Variants in HEG1 observed in about 807,000 individuals in gnomAD.
HEG1 encodes the protein protein HEG homolog 1.
A neutral mutation model predicts 125.6 loss-of-function variants in HEG1; 56 were observed. The ratio of observed to expected loss-of-function variants is 0.45; its 90% CI spans 0.36 to 0.56. The LOEUF (loss-of-function observed/expected upper bound fraction) is 0.56, where lower values mean the gene tolerates loss of function less well. Ranked by LOEUF, HEG1 falls within the 20% of genes least tolerant of loss-of-function variation. HEG1 has a pLI of 0.00. For synonymous variants in HEG1, 644 were observed against 668.5 expected (o/e 0.96, Z 0.57); for missense variants, 1,523 against 1,670.0 (o/e 0.91, Z 1.53).
intron 14 of HEG1, among the ~76,000 whole-genome samples, chr3:124,986,833 CTAACA>C (rs1936747083): frequency 6.6e-6 from 1 of 152,154 alleles, no homozygotes; most frequent in African/African-American, 2.4e-5. Flanking sequence ...TGACTTTTTC[CTAACA>C]TAAGAACTTA....
chr3:125,019,657 A>G (rs2107703616), intron 4 of HEG1, 60 bp from the exon 5 acceptor site: 2 of 1,380,564 alleles, frequency 1.4e-6, no homozygotes, highest in Non-Finnish European at 2.0e-6. Flanking sequence ...TCCCTTGGCA[A>G]CTAAGAAGTG....
Position 125,013,771 on chromosome 3 carries a change from T to A in HEG1, c.1808A>T (p.His603Leu), listed in dbSNP as rs764106449. ...GATGTTACTTCTCTCAGTCTGAGCA[T>A]GAAAAAAGGAGGAATACTCTGAATG... ...SSHSEYSSFF[H>L]AQTERSNISS... is the part of the protein sequence containing the mutation. Residue 603 changes from histidine (H) to leucine (L), a missense_variant, in exon 6 of 17, where the codon CAT (histidine) becomes CTT (leucine). Transcript: ENST00000311127. 5.6e-6 allele frequency: 9 copies of A among 1,613,630 alleles called. No homozygotes were observed. The South Asian group carries it at 6.6e-5, about 12-fold the overall frequency.
At chr3:125,029,549 C>A in intron 1 of HEG1, 61 bp from the exon 2 acceptor site, 1 of 1,502,276 alleles carries the variant, frequency 6.7e-7, no homozygotes, top group South Asian at 1.3e-5. Context: ...AAAAGTAAAC[C>A]TTCAGAAAAG....
intron 16 of HEG1, among the ~76,000 whole-genome samples, chr3:124,972,992 T>TTTG (rs1400331787): frequency 6.7e-6 from 1 of 149,886 alleles, no homozygotes; most frequent in Non-Finnish European, 1.5e-5. Flanking sequence ...AGTTGGTTTT[T>TTTG]TTGTTGTTGT....
chr3:125,004,276 G>A lies in HEG1; in HGVS notation c.3297+989C>T, dbSNP rs1008995000. Among the ~76,000 whole-genome samples, 5 of 152,110 alleles carry A rather than the reference G, an allele frequency of 3.3e-5. No homozygotes were observed. The East Asian group carries it at 9.6e-4, about 29-fold the overall frequency. On this transcript the variant is annotated intron_variant, in intron 9 of 16. Coordinates refer to ENST00000311127, the MANE Select transcript of HEG1 (RefSeq NM_020733.2). ...TAATATACTAACTCTTATCCACAAAGAACAAGTAACATTGAGATTGGAAAT... is the reference window on the plus strand; with the variant it reads ...TAATATACTAACTCTTATCCACAAAAAACAAGTAACATTGAGATTGGAAAT...
chr3:124,977,833 T>C (rs1936573045), intron 15 of HEG1, 26 bp downstream of exon 15: 1 of 1,487,984 alleles, frequency 6.7e-7, no homozygotes, highest in Non-Finnish European at 9.2e-7. Flanking sequence ...AGGAACGGGA[T>C]TGGAACCTGA....
chr3:125,031,741 C>T (rs553520939), intron 1 of HEG1, among the ~76,000 whole-genome samples: 75 of 151,608 alleles, frequency 4.9e-4, no homozygotes, highest in African/African-American at 1.8e-3. Flanking sequence ...GGCACACATA[C>T]ACACACATAC....
intron 1 of HEG1, among the ~76,000 whole-genome samples, chr3:125,051,221 TA>T (rs1560037849): frequency 6.6e-6 from 1 of 152,234 alleles, no homozygotes; most frequent in African/African-American, 2.4e-5. Context: ...ACAAAATTTT[TA>T]AAAAATTTTT....
intron 5 of HEG1, chr3:125,014,572 G>A (rs777015579): frequency 4.9e-6 from 3 of 607,500 alleles, no homozygotes; most frequent in Admixed American, 4.0e-5. Context: ...CCTGAGGTGG[G>A]AGAATCTAGA....
At chr3:125,044,144 G>T (rs1013041524) in intron 1 of HEG1, among the ~76,000 whole-genome samples, 8 of 152,236 alleles carry the variant, frequency 5.3e-5, no homozygotes, top group African/African-American at 1.9e-4. Context: ...TCTGAGGCCT[G>T]TGCTGGCTGA....
intron 5 of HEG1, among the ~76,000 whole-genome samples, chr3:125,018,022 CCATCT>C (rs1285686078): frequency 1.3e-5 from 2 of 151,102 alleles, no homozygotes; most frequent in Non-Finnish European, 2.9e-5. Context: ...GAGAGAGACT[CCATCT>C]CAAAAAAAAA....
At chr3:125,035,526 G>A (rs368100831) in intron 1 of HEG1, among the ~76,000 whole-genome samples, 2 of 152,280 alleles carry the variant, frequency 1.3e-5, no homozygotes, top group East Asian at 3.9e-4. Flanking sequence ...CGTGCTGAGA[G>A]AGAAAACTAT....
chr3:124,986,070 G>A (rs927210802), intron 14 of HEG1, among the ~76,000 whole-genome samples: 13 of 152,236 alleles, frequency 8.5e-5, no homozygotes, highest in African/African-American at 3.1e-4. Context: ...GAGCCACTGT[G>A]CCTTGCCCTT....
chr3:125,002,188 T>C, intron 10 of HEG1, 69 bp downstream of exon 10: 4 of 1,533,808 alleles, frequency 2.6e-6, no homozygotes, highest in Middle Eastern at 1.7e-4. Context: ...TTTGTTGCTA[T>C]CACCCATGTT....
In HEG1 at chr3:125,021,073, C is replaced by T; in HGVS notation, c.971G>A (p.Ser324Asn). The T allele has an allele frequency of 2.5e-6, 4 of 1,603,736 alleles. No individual in the cohort carries two copies. The highest frequency in any genetic ancestry group is 3.4e-6 in the Non-Finnish European group (4 of 1,174,974). ...GGCAACATGCATTGTCTTTGTTTGACTGACTGAGGAGCTCTGGAGGCCAGT... is the reference window on the plus strand; with the variant it reads ...GGCAACATGCATTGTCTTTGTTTGATTGACTGAGGAGCTCTGGAGGCCAGT... Reference protein sequence around the residue: ...NSTGLQSSSVSQTKTMHVATV... With the variant: ...NSTGLQSSSVNQTKTMHVATV... Residue 324 changes from serine (S) to asparagine (N), a missense_variant, in exon 4 of 17, where the codon AGT becomes AAT. Ser to Asn is a conservative substitution (Grantham distance 46). Coordinates refer to ENST00000311127, the MANE Select transcript of HEG1 (RefSeq NM_020733.2).
chr3:124,968,661 T>C lies in HEG1; in HGVS notation c.*1991A>G, dbSNP rs1936364465. On this transcript the variant is annotated 3_prime_UTR_variant, in exon 17 of 17. Transcript: ENST00000311127. ...AGTGTATGCCTGGGAATAGCCTCCC[T>C]ACATGGCTCTTCCCACAGCTGCGGG... is the stretch of plus-strand genomic sequence containing the variant. The C allele has an allele frequency of 6.6e-6, 1 of 152,176 alleles. No individual in the cohort carries two copies. 9.4% of individuals were successfully genotyped at this position (152,176 alleles called of 1,614,324 possible). A position where few individuals can be genotyped will look rare whatever the true frequency, so the allele number is the denominator to read the frequency against.
intron 3 of HEG1, among the ~76,000 whole-genome samples, chr3:125,023,937 C>T (rs1937376073): frequency 6.6e-6 from 1 of 151,134 alleles, no homozygotes; most frequent in East Asian, 1.9e-4. Context: ...GACCTGACTG[C>T]TATCCAGAAC....
intron 12 of HEG1, among the ~76,000 whole-genome samples, chr3:124,993,697 C>T (rs769496637): frequency 5.3e-5 from 8 of 152,212 alleles, no homozygotes; most frequent in Non-Finnish European, 7.3e-5. Flanking sequence ...ACACTTCTTC[C>T]TGGAAATGTT....
chr3:125,046,023 C>CT (rs1579439778), intron 1 of HEG1, among the ~76,000 whole-genome samples: 8 of 152,200 alleles, frequency 5.3e-5, no homozygotes, highest in Admixed American at 3.9e-4. Flanking sequence ...GCAGGAAAGT[C>CT]TTTATTATCC....
Sources: gnomAD v4.1 joint callset for allele counts (sites outside exome capture counted in the v4.1 genomes callset) on GRCh38, gnomAD v4.1.1 for gene constraint, MANE v1.5 for transcripts, NCBI Gene and HGNC (gene_info 2026-07-23, HGNC 2026-07-21) for gene names.